Variants in GRID1 observed in about 807,000 individuals in gnomAD.
GRID1 encodes glutamate receptor ionotropic, delta-1.
Under a neutral mutation model 98.0 loss-of-function variants are expected in GRID1, and 28 were observed. The ratio of observed to expected loss-of-function variants is 0.29; its 90% CI spans 0.21 to 0.39. The LOEUF (loss-of-function observed/expected upper bound fraction) is 0.39, where lower values mean the gene tolerates loss of function less well. Ranked by LOEUF, GRID1 falls within the 10% of genes least tolerant of loss-of-function variation. The pLI, the probability that GRID1 is intolerant of heterozygous loss-of-function variation, is 1.00. For synonymous variants in GRID1, 553 were observed against 538.5 expected (o/e 1.03, Z -0.37); for missense variants, 1,111 against 1,340.5 (o/e 0.83, Z 2.67).
At chr10:86,059,891 TA>T (rs148814093) in intron 4 of GRID1, among the ~76,000 whole-genome samples, 8 of 151,468 alleles carry the variant, frequency 5.3e-5, no homozygotes, top group African/African-American at 7.3e-5. Context: ...AAAATGAAAA[TA>T]AAAAAAACAC....
intron 8 of GRID1, among the ~76,000 whole-genome samples, chr10:85,767,582 G>A (rs1444486201): frequency 1.3e-5 from 2 of 152,196 alleles, no homozygotes; most frequent in African/African-American, 4.8e-5. Context: ...TTTTGGGCCT[G>A]TTGTTAATCA....
chr10:86,274,475 G>A (rs1392992592), intron 2 of GRID1, among the ~76,000 whole-genome samples: 1 of 152,164 alleles, frequency 6.6e-6, no homozygotes, highest in Non-Finnish European at 1.5e-5. Context: ...GATGGAGATG[G>A]CATTGAATCT....
intron 3 of GRID1, among the ~76,000 whole-genome samples, chr10:86,165,327 T>C (rs1170431907): frequency 6.6e-6 from 1 of 152,188 alleles, no homozygotes; most frequent in East Asian, 1.9e-4. Flanking sequence ...TCTATGTTGC[T>C]CGGCGCTCAA....
At chr10:86,203,110 T>G (rs1845976662) in intron 3 of GRID1, among the ~76,000 whole-genome samples, 1 of 152,204 alleles carries the variant, frequency 6.6e-6, no homozygotes. Context: ...GTGGCTAGAA[T>G]GAAGTAAAAT....
chr10:86,198,177 T>C (rs562979453), intron 3 of GRID1, among the ~76,000 whole-genome samples: 2 of 152,228 alleles, frequency 1.3e-5, no homozygotes, highest in Admixed American at 6.5e-5. Flanking sequence ...TCCCGACAGA[T>C]ATTTTCTATG....
intron 12 of GRID1, among the ~76,000 whole-genome samples, chr10:85,719,670 C>T (rs1425623450): frequency 6.6e-6 from 1 of 152,008 alleles, no homozygotes; most frequent in Non-Finnish European, 1.5e-5. Context: ...TCCCACAACA[C>T]GTGGGAATTC....
At chr10:85,777,055 T>TA (rs1842338267) in intron 8 of GRID1, among the ~76,000 whole-genome samples, 1 of 152,228 alleles carries the variant, frequency 6.6e-6, no homozygotes, top group South Asian at 2.1e-4. Context: ...CTTCCCAGTG[T>TA]AATGGGAAAG....
intron 2 of GRID1, among the ~76,000 whole-genome samples, chr10:86,363,655 G>A (rs572519130): frequency 6.6e-6 from 1 of 151,850 alleles, no homozygotes; most frequent in South Asian, 2.1e-4. Context: ...CGCGGCCAGC[G>A]CTGGGCGCAC....
intron 4 of GRID1, among the ~76,000 whole-genome samples, chr10:85,988,321 G>A (rs954722870): frequency 6.6e-6 from 1 of 152,204 alleles, no homozygotes; most frequent in African/African-American, 2.4e-5. Flanking sequence ...CCTTCACACA[G>A]AGTCTGGCAA....
intron 8 of GRID1, among the ~76,000 whole-genome samples, chr10:85,794,905 G>A (rs1244322000): frequency 6.6e-6 from 1 of 152,182 alleles, no homozygotes; most frequent in Non-Finnish European, 1.5e-5. Flanking sequence ...CAAATTCAAG[G>A]TGGATTACTT....
At chr10:85,688,810 ACCAGGACC>A (rs1841299053) in intron 12 of GRID1, among the ~76,000 whole-genome samples, 1 of 152,116 alleles carries the variant, frequency 6.6e-6, no homozygotes, top group African/African-American at 2.4e-5. Flanking sequence ...TCTGGCCTGG[ACCAGGACC>A]CCACATGTCA....
At chr10:85,844,968 CAAAATTATGTAGT>C (rs1842993257) in intron 8 of GRID1, among the ~76,000 whole-genome samples, 1 of 151,584 alleles carries the variant, frequency 6.6e-6, no homozygotes, top group Non-Finnish European at 1.5e-5. Flanking sequence ...GAACATCAAC[CAAAATTATGTAGT>C]AAACATATTA....
intron 2 of GRID1, among the ~76,000 whole-genome samples, chr10:86,259,367 A>G (rs1220039044): frequency 6.6e-6 from 1 of 152,188 alleles, no homozygotes; most frequent in African/African-American, 2.4e-5. Flanking sequence ...GTACCTATCC[A>G]TGTTCACTGA....
At chr10:85,667,696 TG>T (rs1018521052) in intron 12 of GRID1, among the ~76,000 whole-genome samples, 2 of 152,228 alleles carry the variant, frequency 1.3e-5, no homozygotes, top group African/African-American at 4.8e-5. Flanking sequence ...TTCCCCAGTG[TG>T]CCCCCAGAAC....
At chr10:86,036,035 A>C (rs1160202398) in intron 4 of GRID1, among the ~76,000 whole-genome samples, 2 of 152,134 alleles carry the variant, frequency 1.3e-5, no homozygotes, top group African/African-American at 4.8e-5. Context: ...AATGCATTAC[A>C]ATCAGTTAGG....
At chr10:86,301,929 G>C (rs1367941184) in intron 2 of GRID1, among the ~76,000 whole-genome samples, 1 of 152,176 alleles carries the variant, frequency 6.6e-6, no homozygotes, top group East Asian at 1.9e-4. Flanking sequence ...ACCCTCTTAA[G>C]TCATCAAGGC....
intron 8 of GRID1, among the ~76,000 whole-genome samples, chr10:85,738,146 G>C (rs1841905309): frequency 6.6e-6 from 1 of 152,050 alleles, no homozygotes; most frequent in Non-Finnish European, 1.5e-5. Flanking sequence ...AAATATCAAA[G>C]ATGTGTGTAC....
chr10:85,729,212 A>C (rs868278971), intron 9 of GRID1, among the ~76,000 whole-genome samples: 1 of 152,220 alleles, frequency 6.6e-6, no homozygotes, highest in Middle Eastern at 3.4e-3. Flanking sequence ...TCCATTTTAC[A>C]TCCAAGAACA....
At chr10:86,073,654 C>T (rs1401418033) in intron 4 of GRID1, among the ~76,000 whole-genome samples, 1 of 152,232 alleles carries the variant, frequency 6.6e-6, no homozygotes, top group East Asian at 1.9e-4. Flanking sequence ...CACTCTCAAG[C>T]TCCATTGAGC....
Sources: gnomAD v4.1 joint callset for allele counts (sites outside exome capture counted in the v4.1 genomes callset) on GRCh38, gnomAD v4.1.1 for gene constraint, MANE v1.5 for transcripts, NCBI Gene and HGNC (gene_info 2026-07-23, HGNC 2026-07-21) for gene names.